CDK14: variants seen among roughly 807,000 people sequenced by gnomAD.
CDK14 encodes cyclin-dependent kinase 14.
Under a neutral mutation model 60.7 loss-of-function variants are expected in CDK14, and 34 were observed. The ratio of observed to expected loss-of-function variants is 0.56; its 90% confidence interval spans 0.43 to 0.75. The LOEUF (loss-of-function observed/expected upper bound fraction) is 0.75. Ranked by LOEUF, CDK14 falls within the 30% of genes least tolerant of loss-of-function variation. The pLI, the probability that CDK14 is intolerant of heterozygous loss-of-function variation, is 0.00. For missense variants in CDK14, 482 were observed against 564.1 expected, an observed-to-expected ratio of 0.85 and a Z score of 1.47; for synonymous variants, 197 against 203.7, an observed-to-expected ratio of 0.97 and a Z score of 0.28.
chr7:90,810,508 C>T (rs1789050935), intron 5 of CDK14, among the ~76,000 whole-genome samples: 1 of 152,150 alleles, frequency 6.6e-6, no homozygotes, highest in African/African-American at 2.4e-5. Flanking sequence ...AACCCACAGC[C>T]AATACCATAC....
intron 2 of CDK14, among the ~76,000 whole-genome samples, chr7:90,645,778 T>C (rs6958465): frequency 0.85 from 129,727 of 152,244 alleles, 55,387 homozygotes; most frequent in East Asian, 1. Context: ...TACAAAAGAT[T>C]TTCCATCTTT....
At chr7:90,645,625 C>T (rs182202369) in intron 2 of CDK14, among the ~76,000 whole-genome samples, 3 of 152,152 alleles carry the variant, frequency 2.0e-5, no homozygotes, top group Admixed American at 2.0e-4. Flanking sequence ...AGATCTCACT[C>T]TGTCATCAGT....
chr7:91,061,388 C>T (rs1377102074), intron 11 of CDK14, among the ~76,000 whole-genome samples: 1 of 152,214 alleles, frequency 6.6e-6, no homozygotes, highest in African/African-American at 2.4e-5. Flanking sequence ...CTGAAGCCTT[C>T]TTCTCTCAAT....
chr7:91,196,625 T>C (rs1473420887), intron 14 of CDK14, among the ~76,000 whole-genome samples: 3 of 152,194 alleles, frequency 2.0e-5, no homozygotes, highest in Admixed American at 6.5e-5. Flanking sequence ...CATGGGTGAA[T>C]TTAAGTAGAT....
chr7:90,718,788 G>A (rs985903052), intron 2 of CDK14, among the ~76,000 whole-genome samples: 6 of 152,122 alleles, frequency 3.9e-5, no homozygotes, highest in African/African-American at 1.4e-4. Flanking sequence ...AGAGAGGAAA[G>A]CATACTTTTA....
At chr7:90,989,547 C>A (rs1388207638) in intron 10 of CDK14, among the ~76,000 whole-genome samples, 1 of 152,110 alleles carries the variant, frequency 6.6e-6, no homozygotes, top group Non-Finnish European at 1.5e-5. Flanking sequence ...TAGTAATGAC[C>A]ATGAAAATCA....
chr7:90,984,353 A>G (rs1465550523), intron 10 of CDK14, 112 bp downstream of exon 10: 5 of 719,416 alleles, frequency 7.0e-6, no homozygotes, highest in African/African-American at 5.3e-5. Flanking sequence ...TTGTTGTCAC[A>G]TTTGGTTCTA....
chr7:90,776,234 C>T (rs1805039631), intron 4 of CDK14, among the ~76,000 whole-genome samples: 1 of 151,956 alleles, frequency 6.6e-6, no homozygotes, highest in Non-Finnish European at 1.5e-5. Flanking sequence ...AGAATTTTTC[C>T]TTCTTTCATC....
Position 91,088,908 on chromosome 7 carries a change from C to T in CDK14, c.1154+9428C>T, listed in dbSNP as rs924163891. Among the ~76,000 whole-genome samples, 4 of 151,410 alleles carry T rather than the reference C, an allele frequency of 2.6e-5. No individual in the cohort carries two copies. In the South Asian group the frequency reaches 8.4e-4, roughly 32 times the overall value. On this transcript the variant is annotated intron_variant, in intron 12 of 14. Transcript: ENST00000380050. ...TTTGTCCAGCTAAATCCTTTAGTGACTAAACCAATAAACATACCAGCTGTG... is the reference window on the plus strand; with the variant it reads ...TTTGTCCAGCTAAATCCTTTAGTGATTAAACCAATAAACATACCAGCTGTG...
chr7:90,775,662 TCTC>T (rs1805007526), intron 4 of CDK14, among the ~76,000 whole-genome samples: 2 of 34,734 alleles, frequency 5.8e-5, no homozygotes, highest in African/African-American at 2.5e-4. Flanking sequence ...CCTCCCCCTT[TCTC>T]CTCCTCCTCT....
intron 4 of CDK14, among the ~76,000 whole-genome samples, chr7:90,775,343 G>A (rs765590642): frequency 1.3e-5 from 2 of 152,128 alleles, no homozygotes; most frequent in Non-Finnish European, 2.9e-5. Flanking sequence ...TATGTAGTAT[G>A]TAAGAATTAG....
chr7:91,057,874 G>A (rs1362568198), intron 11 of CDK14, among the ~76,000 whole-genome samples: 1 of 152,106 alleles, frequency 6.6e-6, no homozygotes, highest in Non-Finnish European at 1.5e-5. Flanking sequence ...GCTTAGGATT[G>A]ACTTGGCAAT....
intron 4 of CDK14, among the ~76,000 whole-genome samples, chr7:90,749,944 A>G (rs1212979944): frequency 2.0e-5 from 3 of 152,266 alleles, no homozygotes; most frequent in African/African-American, 7.2e-5. Flanking sequence ...CTCCCCATAA[A>G]TAAGGATCAA....
chr7:91,045,998 A>G (rs1797221492), intron 11 of CDK14, 38 bp downstream of exon 11: 15 of 1,347,908 alleles, frequency 1.1e-5, no homozygotes, highest in South Asian at 9.3e-5. Flanking sequence ...GGTGCTTCCT[A>G]TATGCAAAAG....
intron 5 of CDK14, among the ~76,000 whole-genome samples, chr7:90,860,771 G>A (rs747769431): frequency 2.0e-5 from 3 of 151,962 alleles, no homozygotes; most frequent in East Asian, 3.9e-4. Flanking sequence ...GATCCACCCC[G>A]CTCGGCCTCC....
Position 90,795,857 on chromosome 7 carries a change from A to C in CDK14, c.544+5205A>C, listed in dbSNP as rs537328297. ...TTGGTGCTAGTCTTGGTCCAAGGTG[A>C]CAAGAAGGTTCGTAGTGGTATTGAA... is the stretch of plus-strand genomic sequence containing the variant. On this transcript the variant is annotated intron_variant, in intron 5 of 14. Coordinates refer to ENST00000380050, the MANE Select transcript of CDK14 (RefSeq NM_001287135.2). Among the ~76,000 whole-genome samples the C allele has an allele frequency of 2.2e-4, 34 of 152,304 alleles. 1 individual carries two copies. The highest frequency in any genetic ancestry group is 7.5e-4 in the African/African-American group (31 of 41,566).
At chr7:91,022,299 G>A (rs893110009) in intron 10 of CDK14, among the ~76,000 whole-genome samples, 1 of 152,162 alleles carries the variant, frequency 6.6e-6, no homozygotes, top group Non-Finnish European at 1.5e-5. Context: ...TTAGAGTAGG[G>A]TTTCTCAGCT....
intron 8 of CDK14, among the ~76,000 whole-genome samples, chr7:90,934,549 A>C (rs539021648): frequency 6.6e-6 from 1 of 152,366 alleles, no homozygotes; most frequent in East Asian, 1.9e-4. Context: ...GCATGGTATC[A>C]AGGAATTGGA....
chr7:90,735,961 C>T (rs1372040617), intron 3 of CDK14, among the ~76,000 whole-genome samples: 1 of 152,230 alleles, frequency 6.6e-6, no homozygotes, highest in Non-Finnish European at 1.5e-5. Context: ...GGCCTAGGCA[C>T]CGGCGGGAAT....
Sources: gnomAD v4.1 joint callset for allele counts (sites outside exome capture counted in the v4.1 genomes callset) on GRCh38, gnomAD v4.1.1 for gene constraint, MANE v1.5 for transcripts, NCBI Gene and HGNC (gene_info 2026-07-23, HGNC 2026-07-21) for gene names.